The following LAMA1 variants were observed in gnomAD, a reference collection of about 807,000 sequenced individuals.
LAMA1 encodes laminin subunit alpha 1.
A neutral mutation model predicts 348.7 loss-of-function variants in LAMA1; 219 were observed. That is an observed-to-expected ratio of 0.63 (90% CI 0.56 to 0.70). The LOEUF is 0.70. LAMA1 is among the 30% of genes least tolerant of loss of function. LAMA1 has a pLI of 0.00. For missense variants in LAMA1, 3,744 were observed against 3,888.0 expected (o/e 0.96, Z 0.99); for synonymous variants, 1,487 against 1,491.0 (o/e 1.00, Z 0.06).
intron 16 of LAMA1, among the ~76,000 whole-genome samples, chr18:7,029,722 C>A (rs2057959863): frequency 6.6e-6 from 1 of 152,138 alleles, no homozygotes; most frequent in African/African-American, 2.4e-5. Flanking sequence ...CCAAGACATG[C>A]ACAATTTACT....
intron 3 of LAMA1, among the ~76,000 whole-genome samples, chr18:7,057,476 T>C (rs867117309): frequency 5.7e-4 from 66 of 115,926 alleles, no homozygotes; most frequent in Middle Eastern, 7.9e-3. Context: ...CTTTTCTTTT[T>C]TTTTTTTTTT....
intron 35 of LAMA1, among the ~76,000 whole-genome samples, chr18:6,993,392 C>T (rs2057766937): frequency 6.6e-6 from 1 of 152,018 alleles, no homozygotes; most frequent in South Asian, 2.1e-4. Context: ...CATAACAGGG[C>T]TTGAGAATTA....
Position 6,966,207 on chromosome 18 carries a change from G to T in LAMA1, c.6990C>A (p.Ile2330=). The change falls in exon 49 of 63, where the codon ATC becomes ATA. Residue 2330 remains isoleucine, a synonymous_variant. Coordinates refer to ENST00000389658, the MANE Select transcript of LAMA1 (RefSeq NM_005559.4). ...TAGGTGAAAAGGTATTAAAAAGCATGATTATCTGGGTCACGGTAGCCGGAA... is the reference window on the plus strand; with the variant it reads ...TAGGTGAAAAGGTATTAAAAAGCATTATTATCTGGGTCACGGTAGCCGGAA... The part of the protein sequence containing the change: ...KSLPATVTQI[I]MLFNTFSPNG... 6.2e-7 allele frequency: 1 copy of T among 1,614,060 alleles called. No individual in the cohort carries two copies. The highest frequency in any genetic ancestry group is 8.5e-7 in the Non-Finnish European group (1 of 1,179,974).
At chr18:7,004,897 G>A (rs1207679990) in intron 29 of LAMA1, among the ~76,000 whole-genome samples, 1 of 152,206 alleles carries the variant, frequency 6.6e-6, no homozygotes, top group Non-Finnish European at 1.5e-5. Flanking sequence ...TATATTGATG[G>A]GAAGAGTTCA....
chr18:7,103,377 C>A (rs911167483), intron 1 of LAMA1, among the ~76,000 whole-genome samples: 23 of 151,898 alleles, frequency 1.5e-4, no homozygotes, highest in African/African-American at 5.6e-4. Flanking sequence ...TGCACTCCAG[C>A]CTGGGTGACA....
intron 1 of LAMA1, among the ~76,000 whole-genome samples, chr18:7,087,078 C>T (rs925864912): frequency 2.0e-5 from 3 of 152,028 alleles, no homozygotes; most frequent in South Asian, 2.1e-4. Context: ...CTTCTTTGTG[C>T]GTCGGACTGA....
At position 6,973,098 on chromosome 18, in the gene LAMA1, A is replaced by G; in HGVS notation, c.6733T>C (p.Ser2245Pro). 1.2e-6 allele frequency: 2 copies of G among 1,614,180 alleles called. No individual in the cohort carries two copies. Among genetic ancestry groups the G allele is most frequent in the Non-Finnish European group, 1.7e-6 (2 of 1,179,980 alleles). ...AGACCTCCAACAAACATGAGTGTTG[A>G]ATTGTTTACATCCAGAACATTAGCT... ...GTANVLDVNNSTLMFVGGLGG... is the reference protein window; with the variant it reads ...GTANVLDVNNPTLMFVGGLGG... The change falls in exon 47 of 63, where the codon TCA (serine) becomes CCA (proline). Residue 2245 changes from serine to proline, a missense_variant. Ser to Pro is a moderately conservative substitution (Grantham distance 74). This residue lies in a region of LAMA1 where 1,983 missense variants were observed against 1,934.3 expected (regional missense o/e 1.03). Transcript: ENST00000389658.
chr18:7,025,915 G>C, intron 17 of LAMA1, 64 bp downstream of exon 17: 1 of 1,561,578 alleles, frequency 6.4e-7, no homozygotes, highest in Non-Finnish European at 8.7e-7. Flanking sequence ...GAAGTCATTA[G>C]TACGCATCTG....
chr18:7,056,530 A>G (rs1381697102), intron 3 of LAMA1, among the ~76,000 whole-genome samples: 1 of 152,204 alleles, frequency 6.6e-6, no homozygotes, highest in Non-Finnish European at 1.5e-5. Flanking sequence ...GTCAAGAAAC[A>G]AACTACTGAG....
Position 7,080,102 on chromosome 18 carries a change from TA to T in LAMA1, c.233-16del. On this transcript the variant is annotated splice_polypyrimidine_tract_variant and intron_variant, in intron 2 of 62. Transcript: ENST00000389658. ...TGGATGGCGTTCTGTTGAAAGAAAA[TA>T]AAAAACATGAATTCCTCTCGGCTGT... 1 of 1,602,342 alleles carries T rather than the reference TA, an allele frequency of 6.2e-7. No individual in the cohort carries two copies. Among genetic ancestry groups the T allele is most frequent in the Non-Finnish European group, 8.5e-7 (1 of 1,169,768 alleles).
At chr18:7,067,897 C>T (rs535192683) in intron 3 of LAMA1, among the ~76,000 whole-genome samples, 6 of 151,844 alleles carry the variant, frequency 4.0e-5, no homozygotes, top group Admixed American at 6.6e-5. Context: ...CTTGTTGCCC[C>T]GGCTGGAGTG....
chr18:6,976,815 T>C (rs1230099788), intron 44 of LAMA1, among the ~76,000 whole-genome samples: 3 of 151,966 alleles, frequency 2.0e-5, no homozygotes, highest in Non-Finnish European at 2.9e-5. Flanking sequence ...TTATTATGTT[T>C]CCTAAGCTCA....
At position 6,964,646 on chromosome 18, in the gene LAMA1, C is replaced by A. The variant is rs183526439; in HGVS notation, c.7337+16G>T. On this transcript the variant is annotated intron_variant, in intron 51 of 62. Coordinates refer to ENST00000389658, the MANE Select transcript of LAMA1 (RefSeq NM_005559.4). ...GTTGGAAATCAGCGACATGAAAATT[C>A]TGCAGTTTAATATACCTTACAACTC... 226 of 1,614,090 alleles carry A rather than the reference C, an allele frequency of 1.4e-4. No homozygotes were observed. In the East Asian group the frequency reaches 4.6e-3, roughly 33 times the overall value.
At chr18:7,054,946 A>G (rs1261692608) in intron 3 of LAMA1, among the ~76,000 whole-genome samples, 1 of 152,212 alleles carries the variant, frequency 6.6e-6, no homozygotes, top group Non-Finnish European at 1.5e-5. Context: ...AATACAATAC[A>G]TACAACACAT....
chr18:7,033,133 G>T, intron 14 of LAMA1, 38 bp from the exon 15 acceptor site: 1 of 1,370,784 alleles, frequency 7.3e-7, no homozygotes, highest in Non-Finnish European at 1.0e-6. Flanking sequence ...TCACACGCTC[G>T]CAAATACATC....
intron 19 of LAMA1, among the ~76,000 whole-genome samples, chr18:7,021,294 G>A (rs1179425773): frequency 1.3e-5 from 2 of 152,090 alleles, no homozygotes; most frequent in African/African-American, 4.8e-5. Context: ...CCTGTCCTGT[G>A]GCCGCTAACC....
chr18:7,001,743 A>C (rs1171459275), intron 30 of LAMA1, among the ~76,000 whole-genome samples: 1 of 152,188 alleles, frequency 6.6e-6, no homozygotes, highest in African/African-American at 2.4e-5. Flanking sequence ...TCTAATTCCC[A>C]CTTAAAATTT....
chr18:6,978,310 G>A lies in LAMA1; in HGVS notation c.6076C>T (p.Leu2026=), dbSNP rs2057692285. The stretch of plus-strand genomic sequence containing the variant: ...TGGCTCAGCCCCGCCACGTCCCTCA[G>A]CGTGCTCACCGCGCTCTGGCTTGCA... ...TSASQSAVST[L]RDVAGLSQEL... Residue 2026 remains leucine (L), a synonymous_variant, in exon 43 of 63, where the codon CTG becomes TTG. Transcript: ENST00000389658. 3.7e-6 allele frequency: 6 copies of A among 1,614,116 alleles called. No individual in the cohort carries two copies. The South Asian group carries it at 5.5e-5, about 15-fold the overall frequency.
rs367643832 is a variant in LAMA1, at chr18:7,113,252, C to T, written c.61+4408G>A. Among the ~76,000 whole-genome samples the T allele has an allele frequency of 7.4e-4, 113 of 152,250 alleles. 1 individual carries two copies. The highest frequency in any genetic ancestry group is 2.4e-3 in the African/African-American group (99 of 41,552). On this transcript the variant is annotated intron_variant, in intron 1 of 62. Transcript: ENST00000389658. ...TTAGAACCCAAATGAAAGATGTGTC[C>T]GGCACTTAAGAGCCCATGTGCCAGG...
Sources: gnomAD v4.1 joint callset for allele counts (sites outside exome capture counted in the v4.1 genomes callset) on GRCh38, gnomAD v4.1.1 for gene constraint, gnomAD v4.1.1 regional missense constraint, MANE v1.5 for transcripts, NCBI Gene and HGNC (gene_info 2026-07-23, HGNC 2026-07-21) for gene names.